RPS6KC1: variants seen among roughly 807,000 people sequenced by gnomAD.
RPS6KC1 encodes the protein ribosomal protein S6 kinase C1, also known as inactive ribosomal protein S6 kinase delta-1.
In RPS6KC1, 54 loss-of-function variants were observed where a neutral mutation model predicts 103.8. The ratio of observed to expected loss-of-function variants is 0.52; its 90% CI spans 0.42 to 0.65. The LOEUF is 0.65. Among genes scored for constraint, RPS6KC1 ranks in the 30% least tolerant of loss-of-function variants. The pLI is 0.00. For synonymous variants in RPS6KC1, 439 were observed against 438.7 expected (o/e 1.00, Z -0.01); for missense variants, 1,151 against 1,253.8 (o/e 0.92, Z 1.24).
chr1:213,515,633 C>T, the RPS6KC1 span, among the ~76,000 whole-genome samples: 9 of 152,212 alleles, frequency 5.9e-5, no homozygotes, highest in South Asian at 6.2e-4. Flanking sequence ...GTTACTGTAG[C>T]CTTGTAGTAT....
chr1:213,574,191 C>T, the RPS6KC1 span, among the ~76,000 whole-genome samples: 8 of 152,202 alleles, frequency 5.3e-5, no homozygotes, highest in Non-Finnish European at 8.8e-5. Context: ...CCCCTTTCTA[C>T]GCCTCTTTCT....
the RPS6KC1 span, among the ~76,000 whole-genome samples, chr1:213,715,877 G>C: frequency 6.6e-6 from 1 of 152,116 alleles, no homozygotes; most frequent in Non-Finnish European, 1.5e-5. Flanking sequence ...ATACAGGCAG[G>C]GAGGGTCCAT....
At chr1:213,855,613 A>T in the RPS6KC1 span, among the ~76,000 whole-genome samples, 1 of 151,838 alleles carries the variant, frequency 6.6e-6, no homozygotes, top group Non-Finnish European at 1.5e-5. Flanking sequence ...TCAGGCTGAA[A>T]TCCCTCCTTT....
the RPS6KC1 span, among the ~76,000 whole-genome samples, chr1:213,461,310 A>C: frequency 6.6e-6 from 1 of 152,252 alleles, no homozygotes; most frequent in East Asian, 1.9e-4. Flanking sequence ...AAAACATTCC[A>C]TGCTTATGGA....
intron 6 of RPS6KC1, among the ~76,000 whole-genome samples, chr1:213,151,852 G>A (rs1392358007): frequency 1.7e-4 from 20 of 120,208 alleles, no homozygotes; most frequent in Admixed American, 3.0e-4. Context: ...CCTCCCTCCC[G>A]GACGGGGCGG....
intron 8 of RPS6KC1, among the ~76,000 whole-genome samples, chr1:213,194,243 G>T (rs1276412451): frequency 1.3e-5 from 2 of 152,052 alleles, no homozygotes; most frequent in Non-Finnish European, 2.9e-5. Flanking sequence ...GCAGCATTGG[G>T]TTTTTTAAAA....
the RPS6KC1 span, among the ~76,000 whole-genome samples, chr1:213,549,534 A>G: frequency 2.0e-5 from 3 of 151,216 alleles, no homozygotes; most frequent in African/African-American, 7.3e-5. Context: ...CTACCTTTTA[A>G]TTCATCAAAG....
chr1:213,129,431 C>G (rs2085340486), intron 5 of RPS6KC1, 96 bp from the exon 6 acceptor site: 2 of 1,349,632 alleles, frequency 1.5e-6, no homozygotes, highest in Non-Finnish European at 2.0e-6. Context: ...TCCAAATTGA[C>G]TTGGATAATA....
intron 4 of RPS6KC1, among the ~76,000 whole-genome samples, chr1:213,113,511 C>G (rs1314852452): frequency 2.7e-5 from 4 of 150,090 alleles, no homozygotes; most frequent in Admixed American, 2.0e-4. Flanking sequence ...TTGTAGGTTG[C>G]CTGTTCACTC....
the RPS6KC1 span, among the ~76,000 whole-genome samples, chr1:213,637,593 G>A: frequency 6.6e-6 from 1 of 151,966 alleles, no homozygotes; most frequent in Non-Finnish European, 1.5e-5. Context: ...AATACCAAGG[G>A]GTAGAGCAGG....
chr1:213,176,136 G>C, intron 7 of RPS6KC1, among the ~76,000 whole-genome samples: 1 of 152,068 alleles, frequency 6.6e-6, no homozygotes, highest in Middle Eastern at 3.4e-3. Context: ...GAAACTGCCA[G>C]CTCATTAATT....
the RPS6KC1 span, among the ~76,000 whole-genome samples, chr1:213,502,652 A>G: frequency 6.6e-6 from 1 of 152,178 alleles, no homozygotes; most frequent in Non-Finnish European, 1.5e-5. Context: ...TATGTTTACA[A>G]TATATTTTTA....
chr1:213,505,460 G>A, the RPS6KC1 span, among the ~76,000 whole-genome samples: 1 of 152,234 alleles, frequency 6.6e-6, no homozygotes, highest in Non-Finnish European at 1.5e-5. Flanking sequence ...CCTTGGGCAA[G>A]CTGCTTAATC....
intron 6 of RPS6KC1, among the ~76,000 whole-genome samples, chr1:213,154,382 G>A (rs1491002385): frequency 6.6e-6 from 1 of 152,228 alleles, no homozygotes; most frequent in Non-Finnish European, 1.5e-5. Context: ...TAGAAGTGCT[G>A]TCAGGGAGTC....
the RPS6KC1 span, among the ~76,000 whole-genome samples, chr1:213,619,526 T>C: frequency 5.9e-5 from 9 of 152,168 alleles, no homozygotes; most frequent in Non-Finnish European, 1.0e-4. Context: ...AGAAAATAAA[T>C]GTGGGTTTTT....
the RPS6KC1 span, among the ~76,000 whole-genome samples, chr1:213,365,240 T>A: frequency 6.6e-6 from 1 of 152,240 alleles, no homozygotes; most frequent in South Asian, 2.1e-4. Flanking sequence ...TGTGGCAACA[T>A]CATTGCAGTC....
At chr1:213,496,979 C>G in the RPS6KC1 span, among the ~76,000 whole-genome samples, 1 of 152,168 alleles carries the variant, frequency 6.6e-6, no homozygotes, top group Non-Finnish European at 1.5e-5. Flanking sequence ...CAGCAAACCA[C>G]TTGTTACTGT....
the RPS6KC1 span, among the ~76,000 whole-genome samples, chr1:213,653,923 G>T: frequency 6.6e-6 from 1 of 152,214 alleles, no homozygotes; most frequent in Admixed American, 6.5e-5. Context: ...TCAAAGGATA[G>T]CATACCTCCC....
the RPS6KC1 span, among the ~76,000 whole-genome samples, chr1:213,839,468 A>G: frequency 6.6e-6 from 1 of 152,158 alleles, no homozygotes; most frequent in African/African-American, 2.4e-5. Flanking sequence ...GAAATGGTTC[A>G]TGTACCCTGA....
Sources: gnomAD v4.1 joint callset for allele counts (sites outside exome capture counted in the v4.1 genomes callset) on GRCh38, gnomAD v4.1.1 for gene constraint, MANE v1.5 for transcripts, NCBI Gene and HGNC (gene_info 2026-07-23, HGNC 2026-07-21) for gene names.